GRIA3: variants seen among roughly 807,000 people sequenced by gnomAD.
GRIA3 encodes glutamate receptor 3.
Under a neutral mutation model 63.0 loss-of-function variants are expected in GRIA3, and 3 were observed. The ratio of observed to expected loss-of-function variants is 0.05; its 90% CI spans 0.02 to 0.12. The LOEUF (loss-of-function observed/expected upper bound fraction) is 0.12. Ranked by LOEUF, GRIA3 falls within the 10% of genes least tolerant of loss-of-function variation. The probability of loss-of-function intolerance (pLI) is 1.00; values close to 1 mark genes in which losing one functional copy is unlikely to be tolerated. For missense variants in GRIA3, 347 were observed against 700.9 expected (o/e 0.50, Z 5.70); for synonymous variants, 274 against 257.9 (o/e 1.06, Z -0.60).
intron 4 of GRIA3, among the ~76,000 whole-genome samples, chrX:123,329,281 G>T (rs900995803): frequency 9.0e-6 from 1 of 111,632 alleles, no homozygotes; most frequent in Admixed American, 9.5e-5. Flanking sequence ...AGTTTATATT[G>T]TACTCTATAT....
At chrX:123,248,187 G>A (rs1251144272) in intron 2 of GRIA3, among the ~76,000 whole-genome samples, 1 of 112,440 alleles carries the variant, frequency 8.9e-6, no homozygotes, top group African/African-American at 3.2e-5. Flanking sequence ...TACAGATGAA[G>A]AAACTCTATC....
chrX:123,207,658 T>C (rs1386286486), intron 2 of GRIA3, among the ~76,000 whole-genome samples: 1 of 112,265 alleles, frequency 8.9e-6, no homozygotes, highest in Non-Finnish European at 1.9e-5. Flanking sequence ...TTGGTCCTTG[T>C]TAAATGCATG....
At chrX:123,217,608 A>G (rs1928191780) in intron 2 of GRIA3, among the ~76,000 whole-genome samples, 1 of 111,955 alleles carries the variant, frequency 8.9e-6, no homozygotes, top group African/African-American at 3.3e-5. Context: ...TCATTTTATC[A>G]TAACTGATCT....
chrX:123,252,211 CTAAA>C (rs1382833289), intron 2 of GRIA3, among the ~76,000 whole-genome samples: 2 of 111,956 alleles, frequency 1.8e-5, no homozygotes, highest in African/African-American at 6.5e-5. Context: ...ACAGTAACTG[CTAAA>C]TAAGATTCTA....
intron 3 of GRIA3, among the ~76,000 whole-genome samples, chrX:123,277,745 T>C (rs2044563504): frequency 8.9e-6 from 1 of 112,154 alleles, no homozygotes; most frequent in Admixed American, 9.4e-5. Flanking sequence ...TTCTATGTCG[T>C]GTTGGGACCT....
At chrX:123,241,281 A>T (rs1271612289) in intron 2 of GRIA3, among the ~76,000 whole-genome samples, 1 of 111,411 alleles carries the variant, frequency 9.0e-6, no homozygotes. Context: ...AGTCAAAACC[A>T]TTAGGACGTT....
intron 2 of GRIA3, among the ~76,000 whole-genome samples, chrX:123,200,600 CACATACAT>C (rs200737408): frequency 0.092 from 7,327 of 79,729 alleles, 358 homozygotes; most frequent in Non-Finnish European, 0.14. Flanking sequence ...TACACACACA[CACATACAT>C]ACACACACAC....
At chrX:123,457,924 T>TC (rs1310048925) in intron 12 of GRIA3, among the ~76,000 whole-genome samples, 1 of 111,014 alleles carries the variant, frequency 9.0e-6, no homozygotes, top group Non-Finnish European at 1.9e-5. Flanking sequence ...AGGAGGGACT[T>TC]TAAAAAAATG....
chrX:123,386,219 C>T (rs2045353271), intron 5 of GRIA3, among the ~76,000 whole-genome samples: 1 of 111,659 alleles, frequency 9.0e-6, no homozygotes, highest in African/African-American at 3.2e-5. Flanking sequence ...TTTCATACAC[C>T]TATTGGCAAT....
intron 3 of GRIA3, among the ~76,000 whole-genome samples, chrX:123,275,479 C>T (rs944057931): frequency 1.3e-4 from 15 of 112,366 alleles, no homozygotes; most frequent in African/African-American, 4.5e-4. Context: ...TTACTGAGCC[C>T]TTCCCACCAC....
At chrX:123,429,415 C>T (rs1487422741) in intron 12 of GRIA3, among the ~76,000 whole-genome samples, 1 of 111,793 alleles carries the variant, frequency 8.9e-6, no homozygotes, top group African/African-American at 3.3e-5. Context: ...ACCTATACCA[C>T]CTGTTTACTG....
At chrX:123,414,635 T>C (rs1192227988) in intron 10 of GRIA3, among the ~76,000 whole-genome samples, 2 of 97,876 alleles carry the variant, frequency 2.0e-5, no homozygotes, top group South Asian at 1.3e-3. Context: ...TGTGTTCTCA[T>C]TGTTCAACTC....
rs149402418 is a variant in GRIA3 at position 123,211,246 on chromosome X, T to C, written c.268+25256T>C. Among the ~76,000 whole-genome samples, 657 of 111,585 alleles carry C rather than the reference T, an allele frequency of 5.9e-3. 8 individuals carry two copies. Among genetic ancestry groups the C allele is most frequent in the African/African-American group, 0.019 (590 of 30,716 alleles). On this transcript the variant is annotated intron_variant, in intron 2 of 15. Coordinates refer to ENST00000620443, the MANE Select transcript of GRIA3 (RefSeq NM_007325.5). ...TCCTTCACCCATATTTTAGGTGCTA[T>C]ACGTGATACTGCCAAGAGTTGCCTG...
chrX:123,226,202 T>C (rs1203583238), intron 2 of GRIA3, among the ~76,000 whole-genome samples: 1 of 111,347 alleles, frequency 9.0e-6, no homozygotes, highest in East Asian at 2.8e-4. Context: ...ATCACCATCA[T>C]CTTCATCATC....
At chrX:123,204,965 G>A (rs760252418) in intron 2 of GRIA3, among the ~76,000 whole-genome samples, 31 of 111,667 alleles carry the variant, frequency 2.8e-4, no homozygotes, top group Non-Finnish European at 4.0e-4. Context: ...TAGTGGATCA[G>A]GTAAGGAAGT....
At chrX:123,189,117 A>G (rs1189826480) in intron 2 of GRIA3, among the ~76,000 whole-genome samples, 1 of 112,061 alleles carries the variant, frequency 8.9e-6, no homozygotes, top group African/African-American at 3.2e-5. Context: ...CAACTCAGAG[A>G]TGGATTGAAG....
At chrX:123,308,361 T>A (rs181580587) in intron 3 of GRIA3, among the ~76,000 whole-genome samples, 1 of 112,052 alleles carries the variant, frequency 8.9e-6, no homozygotes, top group Non-Finnish European at 1.9e-5. Flanking sequence ...CCAATGCTGC[T>A]GATCCATAGA....
chrX:123,462,932 G>C (rs2045801242), intron 12 of GRIA3, among the ~76,000 whole-genome samples: 1 of 111,577 alleles, frequency 9.0e-6, no homozygotes, highest in Non-Finnish European at 1.9e-5. Context: ...GGAAGTTTTT[G>C]AGTCATTGAG....
Position 123,395,016 on chromosome X carries a change from A to G in GRIA3, c.799A>G (p.Ile267Val), listed in dbSNP as rs2045406311. The G allele has an allele frequency of 1.7e-6, 2 of 1,196,179 alleles. No individual in the cohort carries two copies. Among genetic ancestry groups the G allele is most frequent in the Non-Finnish European group, 1.1e-6 (1 of 881,255 alleles). ...AAGAGTCATGCATGGGGGAGCCAAC[A>G]TTACAGGTTTCCAGATTGTCAACAA... is the stretch of plus-strand genomic sequence containing the variant. ...LERVMHGGAN[I>V]TGFQIVNNEN... is the part of the protein sequence containing the mutation. The change falls in exon 6 of 16, where the codon ATT (isoleucine) becomes GTT (valine). Residue 267 changes from isoleucine to valine, a missense_variant. Coordinates refer to ENST00000620443, the MANE Select transcript of GRIA3 (RefSeq NM_007325.5).
Sources: allele counts gnomAD v4.1 joint callset (sites outside exome capture counted in the v4.1 genomes callset), GRCh38; gene constraint gnomAD v4.1.1; transcripts MANE v1.5; gene names NCBI Gene and HGNC (gene_info 2026-07-23, HGNC 2026-07-21).